NEB: variants seen among roughly 807,000 people sequenced by gnomAD.
NEB encodes the protein nebulin, also known as nemaline myopathy type 2.
In NEB, 512 loss-of-function variants were observed where a neutral mutation model predicts 952.2. That is an observed-to-expected ratio of 0.54 (90% CI 0.50 to 0.58). The LOEUF (loss-of-function observed/expected upper bound fraction) is 0.58. Ranked by LOEUF, NEB falls within the 20% of genes least tolerant of loss-of-function variation. The pLI is 0.00. For missense variants in NEB, 8,428 were observed against 9,231.1 expected, an observed-to-expected ratio of 0.91 and a Z score of 3.56; for synonymous variants, 2,900 against 3,149.8, an observed-to-expected ratio of 0.92 and a Z score of 2.66.
intron 142 of NEB, chr2:151,534,112 C>G: frequency 1.2e-6 from 1 of 863,300 alleles, no homozygotes; most frequent in Non-Finnish European, 1.8e-6. Context: ...AACCCAATAT[C>G]ATAGGCAGAA....
In NEB at chr2:151,619,658, C is replaced by A. The variant is rs1234475226; in HGVS notation, c.10665G>T (p.Val3555=). The change falls in exon 73 of 182, where the codon GTG becomes GTT. Residue 3555 remains valine, a synonymous_variant. Coordinates refer to ENST00000397345, the MANE Select transcript of NEB (RefSeq NM_001164508.2). ...CTTTCTTGTACTCACGGTCACTCTG[C>A]ACTTTGGCAATGTGGAGGGACCACA... is the stretch of plus-strand genomic sequence containing the variant. The part of the protein sequence containing the change: ...KIMWSLHIAK[V]QSDREYKKDF... 6.2e-7 allele frequency: 1 copy of A among 1,613,994 alleles called. No individual in the cohort carries two copies. Among genetic ancestry groups the A allele is most frequent in the Non-Finnish European group, 8.5e-7 (1 of 1,179,878 alleles).
chr2:151,620,891 G>A (rs2098402732), intron 72 of NEB, 28 bp downstream of exon 72: 1 of 1,542,108 alleles, frequency 6.5e-7, no homozygotes, highest in Non-Finnish European at 8.9e-7. Context: ...ATGATGGTAA[G>A]AAATGTTAGG....
intron 63 of NEB, among the ~76,000 whole-genome samples, chr2:151,637,849 A>T (rs1421910992): frequency 6.6e-6 from 1 of 152,266 alleles, no homozygotes; most frequent in African/African-American, 2.4e-5. Flanking sequence ...ATTAAAAGCT[A>T]GCTATACAAG....
Position 151,666,269 on chromosome 2 carries a change from A to G in NEB, c.4852T>C (p.Tyr1618His). The change falls in exon 41 of 182, where the codon TAT becomes CAT. Residue 1618 changes from tyrosine to histidine, a missense_variant. Physicochemically the swap from Tyr to His is moderately conservative, Grantham distance 83 (BLOSUM62 2). Coordinates refer to ENST00000397345, the MANE Select transcript of NEB (RefSeq NM_001164508.2). ...IQSDREYKKG[Y>H]EASKTKYHTP... ...TGGTACTTGGTCTTGCTGGCTTCAT[A>G]GCCCTTTTTGTACTCACGATCAGAC... 1 of 1,613,992 alleles carries G rather than the reference A, an allele frequency of 6.2e-7. No individual in the cohort carries two copies. The highest frequency in any genetic ancestry group is 8.5e-7 in the Non-Finnish European group (1 of 1,179,876).
At chr2:151,732,173 C>T (rs751778176) in intron 3 of NEB, among the ~76,000 whole-genome samples, 2 of 152,026 alleles carry the variant, frequency 1.3e-5, no homozygotes, top group Non-Finnish European at 2.9e-5. Context: ...CTCCAAGTGC[C>T]TTAGGCATTT....
At chr2:151,612,045 G>T in intron 78 of NEB, 141 bp downstream of exon 78, 1 of 825,580 alleles carries the variant, frequency 1.2e-6, no homozygotes, top group Non-Finnish European at 1.9e-6. Context: ...TTGAATTCAA[G>T]CAGATGCTCT....
chr2:151,651,787 T>C (rs889780242), intron 52 of NEB, among the ~76,000 whole-genome samples: 1 of 152,208 alleles, frequency 6.6e-6, no homozygotes, highest in Non-Finnish European at 1.5e-5. Context: ...CATTATTACA[T>C]ATATAAAATA....
At chr2:151,714,830 A>G (rs2099754830) in intron 10 of NEB, among the ~76,000 whole-genome samples, 1 of 152,200 alleles carries the variant, frequency 6.6e-6, no homozygotes, top group African/African-American at 2.4e-5. Flanking sequence ...ACATGGGCCA[A>G]TGCATCTTGA....
intron 9 of NEB, among the ~76,000 whole-genome samples, chr2:151,721,094 T>C (rs1418270533): frequency 6.6e-6 from 1 of 152,174 alleles, no homozygotes; most frequent in East Asian, 1.9e-4. Flanking sequence ...CAATATCCAA[T>C]GCCATTCATG....
chr2:151,529,074 A>T, intron 146 of NEB, 136 bp downstream of exon 146: 1 of 684,780 alleles, frequency 1.5e-6, no homozygotes, highest in Non-Finnish European at 2.6e-6. Flanking sequence ...ATCATTGTTC[A>T]TGCTCCTGGG....
At chr2:151,660,316 C>T (rs1392949625) in intron 46 of NEB, among the ~76,000 whole-genome samples, 2 of 152,128 alleles carry the variant, frequency 1.3e-5, no homozygotes, top group East Asian at 1.9e-4. Flanking sequence ...TTCATCTTAG[C>T]GTCTCCTTTC....
In NEB at chr2:151,492,402, T is replaced by A. The variant is rs768912387; in HGVS notation, c.24858A>T (p.Gln8286His). Residue 8286 changes from glutamine (Q) to histidine (H), a missense_variant, in exon 177 of 182, where the codon CAA (glutamine) becomes CAT (histidine). Around this residue, in one of 11 missense-constraint regions of NEB, gnomAD observed 3,374 missense variants for 3,651.5 expected, o/e 0.92. Coordinates refer to ENST00000397345, the MANE Select transcript of NEB (RefSeq NM_001164508.2). ...CCTGACTCACCGTTGAGATGTGCCGTTGGGTCTCCCTCACCCGTCTCATCT... is the reference window on the plus strand; with the variant it reads ...CCTGACTCACCGTTGAGATGTGCCGATGGGTCTCCCTCACCCGTCTCATCT... ...TPEMRRVRETQRHISTVKYHE... is the reference protein window; with the variant it reads ...TPEMRRVRETHRHISTVKYHE... 1 of 1,605,794 alleles carries A rather than the reference T, an allele frequency of 6.2e-7. No homozygotes were observed. The highest frequency in any genetic ancestry group is 8.5e-7 in the Non-Finnish European group (1 of 1,175,838).
intron 5 of NEB, among the ~76,000 whole-genome samples, chr2:151,726,032 T>C (rs2150826668): frequency 6.6e-6 from 1 of 152,340 alleles, no homozygotes; most frequent in East Asian, 1.9e-4. Context: ...TCTGTAAATT[T>C]AGGAATGTGA....
At position 151,663,647 on chromosome 2, in the gene NEB, G is replaced by T. The variant is rs367607601; in HGVS notation, c.5664C>A (p.Ala1888=). Residue 1888 remains alanine, a synonymous_variant, in exon 45 of 182, where the codon GCC becomes GCA. Transcript: ENST00000397345. ...TCACGTTCCTGTAGTTGGCATTGGTGGCCACTTCCTGAGACTTCTTGGCTG... is the reference window on the plus strand; with the variant it reads ...TCACGTTCCTGTAGTTGGCATTGGTTGCCACTTCCTGAGACTTCTTGGCTG... ...VVAAKKSQEV[A]TNANYRNVIH... 6.2e-6 allele frequency: 10 copies of T among 1,613,764 alleles called. No individual in the cohort carries two copies. The highest frequency in any genetic ancestry group is 8.5e-6 in the Non-Finnish European group (10 of 1,179,766).
At position 151,678,108 on chromosome 2, in the gene NEB, A is replaced by G; in HGVS notation, c.3335T>C (p.Val1112Ala). The part of the protein sequence containing the change: ...FQSLQDDPKL[V>A]HYMNVAKIQS... ...TATCTTGGCCACGTTCATATAATGAACCAGTTTAGGGTCATCTTGAAGACT... is the reference window on the plus strand; with the variant it reads ...TATCTTGGCCACGTTCATATAATGAGCCAGTTTAGGGTCATCTTGAAGACT... Residue 1112 changes from valine (V) to alanine (A), a missense_variant, in exon 33 of 182, where the codon GTT (valine) becomes GCT (alanine). Physicochemically the swap from Val to Ala is moderately conservative, Grantham distance 64. Around this residue, in one of 11 missense-constraint regions of NEB, gnomAD observed 2,851 missense variants for 2,791.5 expected, o/e 1.02. Coordinates refer to ENST00000397345, the MANE Select transcript of NEB (RefSeq NM_001164508.2). The G allele has an allele frequency of 6.2e-7, 1 of 1,613,782 alleles. No individual in the cohort carries two copies. The highest frequency in any genetic ancestry group is 8.5e-7 in the Non-Finnish European group (1 of 1,179,732).
intron 164 of NEB, chr2:151,505,912 C>A: frequency 1.8e-6 from 1 of 561,516 alleles, no homozygotes; most frequent in South Asian, 2.2e-5. Context: ...AAGGTTGGTT[C>A]TTTGACTGTA....
At position 151,690,769 on chromosome 2, in the gene NEB, A is replaced by G. The variant is rs768071613; in HGVS notation, c.2268T>C (p.Pro756=). ...KTKFTAVTDS[P]VLLQAQLNTK... ...TGTTGAGCTGGGCTTGCAACAGTAC[A>G]GGAGAATCAGTGACTGCCGTGAATT... Residue 756 remains proline (P), a synonymous_variant, in exon 24 of 182, where the codon CCT becomes CCC. Coordinates refer to ENST00000397345, the MANE Select transcript of NEB (RefSeq NM_001164508.2). 2 of 1,599,764 alleles carry G rather than the reference A, an allele frequency of 1.3e-6. No homozygotes were observed. The highest frequency in any genetic ancestry group is 2.3e-5 in the South Asian group (2 of 87,830).
At chr2:151,646,608 G>A (rs2098961977) in intron 54 of NEB, among the ~76,000 whole-genome samples, 1 of 152,108 alleles carries the variant, frequency 6.6e-6, no homozygotes, top group African/African-American at 2.4e-5. Context: ...TTCAAAGCAT[G>A]CCTAGAAATC....
In NEB at chr2:151,570,163, C is replaced by T. The variant is rs781536774; in HGVS notation, c.17348G>A (p.Arg5783His). 1.2e-5 allele frequency: 20 copies of T among 1,613,198 alleles called. No homozygotes were observed. Among genetic ancestry groups the T allele is most frequent in the South Asian group, 9.9e-5 (9 of 90,928 alleles). ...SQALVSDMDY[R>H]NYLHQWTCMP... is the part of the protein sequence containing the mutation. ...GCAGGTCCACTGGTGCAGGTAATTG[C>T]GGTAATCCATGTCACTGACCAGAGC... Residue 5783 changes from arginine (R) to histidine (H), a missense_variant, in exon 109 of 182, where the codon CGC (arginine) becomes CAC (histidine). Physicochemically the swap from Arg to His is conservative, Grantham distance 29. Around this residue, in one of 11 missense-constraint regions of NEB, gnomAD observed 3,374 missense variants for 3,651.5 expected, o/e 0.92. Coordinates refer to ENST00000397345, the MANE Select transcript of NEB (RefSeq NM_001164508.2).
Sources: allele counts gnomAD v4.1 joint callset (sites outside exome capture counted in the v4.1 genomes callset), GRCh38; gene constraint gnomAD v4.1.1; regional missense constraint gnomAD v4.1.1; transcripts MANE v1.5; gene names NCBI Gene and HGNC (gene_info 2026-07-23, HGNC 2026-07-21).